The following LMNA variants were observed in gnomAD, a reference collection of about 807,000 sequenced individuals.
LMNA encodes lamin A/C.
LMNA carries 20 observed loss-of-function variants against 70.4 expected under a neutral mutation model. That is an observed-to-expected ratio of 0.28 (90% CI 0.20 to 0.41). The LOEUF (loss-of-function observed/expected upper bound fraction) is 0.41, where lower values mean the gene tolerates loss of function less well. Ranked by LOEUF, LMNA falls within the 10% of genes least tolerant of loss-of-function variation. The pLI, the probability that LMNA is intolerant of heterozygous loss-of-function variation, is 1.00. For synonymous variants in LMNA, 339 were observed against 372.8 expected (o/e 0.91, Z 1.04); for missense variants, 652 against 917.2 (o/e 0.71, Z 3.73).
intron 3 of LMNA, among the ~76,000 whole-genome samples, chr1:156,104,248 C>T (rs751820466): frequency 3.9e-5 from 6 of 152,202 alleles, no homozygotes; most frequent in Non-Finnish European, 8.8e-5. Context: ...AGCGGTGGCT[C>T]AGGCCTGTGT....
rs1421707664 is a variant in LMNA, at chr1:156,139,867, G to A, written c.*761G>A. 2 of 1,476,522 alleles carry A rather than the reference G, an allele frequency of 1.4e-6. No individual in the cohort carries two copies. Among genetic ancestry groups the A allele is most frequent in the Admixed American group, 4.5e-5 (2 of 44,870 alleles). 91.5% of individuals were successfully genotyped at this position (1,476,522 alleles called of 1,614,324 possible). ...TTAGACCCTGGGTGGGCTCTGTGCA[G>A]TCACTGGAGGTTGAAGCCAAGTGGG... On this transcript the variant is annotated 3_prime_UTR_variant, in exon 12 of 12. Coordinates refer to ENST00000368300, the MANE Select transcript of LMNA (RefSeq NM_170707.4).
intron 1 of LMNA, among the ~76,000 whole-genome samples, chr1:156,124,054 A>G (rs1650377774): frequency 6.6e-6 from 1 of 152,214 alleles, no homozygotes; most frequent in Non-Finnish European, 1.5e-5. Context: ...GAGAGGCCTC[A>G]GACCCTAGGC....
chr1:156,113,331 A>C (rs1467888067), upstream of LMNA, among the ~76,000 whole-genome samples: 1 of 149,484 alleles, frequency 6.7e-6, no homozygotes, highest in Non-Finnish European at 1.5e-5. Context: ...AACAAAAAAA[A>C]CAAACAAACA....
At position 156,104,635 on chromosome 1, in the gene LMNA, T is replaced by A. The variant is rs1287371338; in HGVS notation, c.-206-10078T>A. 2.6e-5 allele frequency among the ~76,000 whole-genome samples: 4 copies of A among 152,042 alleles called. No homozygotes were observed. The East Asian group carries it at 5.8e-4, about 22-fold the overall frequency. On this transcript the variant is annotated intron_variant, in intron 3 of 12. Transcript: ENST00000368301. ...CATTCACCAAGGGGCCTGAGTGAGG[T>A]CCCACCCCCTAAGCCACACAGGTCC...
At chr1:156,126,444 G>A (rs1476149847) in intron 1 of LMNA, 11 of 621,670 alleles carry the variant, frequency 1.8e-5, no homozygotes, top group Non-Finnish European at 3.2e-5. Flanking sequence ...GCCGGCCCTG[G>A]CTTCCATATC....
intron 3 of LMNA, among the ~76,000 whole-genome samples, chr1:156,107,261 C>T (rs1649381750): frequency 6.6e-6 from 1 of 152,204 alleles, no homozygotes; most frequent in Non-Finnish European, 1.5e-5. Flanking sequence ...GCCCCGCTGG[C>T]TCAGTGAGCC....
chr1:156,123,188 G>C (rs557877051), intron 1 of LMNA: 1 of 152,248 alleles, frequency 6.6e-6, no homozygotes. Context: ...AAGGGAGATA[G>C]GACACATGAG....
Position 156,115,058 on chromosome 1 carries a change from A to T in LMNA, c.140A>T (p.Asp47Val). 6.3e-7 allele frequency: 1 copy of T among 1,594,672 alleles called. No homozygotes were observed. The highest frequency in any genetic ancestry group is 8.5e-7 in the Non-Finnish European group (1 of 1,170,784). The change falls in exon 1 of 12, where the codon GAC becomes GTC. Residue 47 changes from aspartate to valine, a missense_variant. Transcript: ENST00000368300. This position sits in a 1 kb window ranked among gnomAD's most constrained non-coding sequence, Gnocchi z 5.8. ...AATGATCGCTTGGCGGTCTACATCG[A>T]CCGTGTGCGCTCGCTGGAAACGGAG... is the stretch of plus-strand genomic sequence containing the variant. ...ELNDRLAVYI[D>V]RVRSLETENA...
In LMNA at chr1:156,135,890, C is replaced by G. The variant is rs267607645; in HGVS notation, c.937-11C>G. ...CTTGGGAGCTCACCAAACCCTCCCA[C>G]CCCCCTTCAGCTGGCAGCCAAGGAG... On this transcript the variant is annotated splice_polypyrimidine_tract_variant and intron_variant, in intron 5 of 11. Transcript: ENST00000368300. This position sits in a 1 kb window ranked among gnomAD's most constrained non-coding sequence, Gnocchi z 4.8. 1 of 1,611,088 alleles carries G rather than the reference C, an allele frequency of 6.2e-7. No individual in the cohort carries two copies. The highest frequency in any genetic ancestry group is 8.5e-7 in the Non-Finnish European group (1 of 1,178,144).
Position 156,139,970 on chromosome 1 carries a change from G to A in LMNA, c.*864G>A. On this transcript the variant is annotated 3_prime_UTR_variant, in exon 12 of 12. Coordinates refer to ENST00000368300, the MANE Select transcript of LMNA (RefSeq NM_170707.4). ...CCCACCGTGGAGGAGGAAGGCAAGA[G>A]GGGGTGGAGGGGTGTGGCAGTGGTT... The A allele has an allele frequency of 1.3e-6, 1 of 794,030 alleles. No individual in the cohort carries two copies. The highest frequency in any genetic ancestry group is 1.9e-6 in the Non-Finnish European group (1 of 529,944). 49.2% of individuals were successfully genotyped at this position (794,030 alleles called of 1,614,324 possible). A position where few individuals can be genotyped will look rare whatever the true frequency, so the allele number is the denominator to read the frequency against.
chr1:156,098,817 G>A (rs924721875), intron 3 of LMNA, among the ~76,000 whole-genome samples: 3 of 152,138 alleles, frequency 2.0e-5, no homozygotes, highest in Admixed American at 6.5e-5. Context: ...AAGCCATGAT[G>A]CTCACCCCTC....
Position 156,135,111 on chromosome 1 carries a change from C to T in LMNA, c.811-76C>T, listed in dbSNP as rs1197237796. The stretch of plus-strand genomic sequence containing the variant: ...GGTGGCCCAGGACCTGGGGCTGTAG[C>T]AGTGATGCCCAACTCAGGCCTGTGC... On this transcript the variant is annotated intron_variant, in intron 4 of 11. Coordinates refer to ENST00000368300, the MANE Select transcript of LMNA (RefSeq NM_170707.4). The surrounding 1 kb of genome is among the most constrained non-coding windows in gnomAD (Gnocchi z 4.8). The T allele has an allele frequency of 1.9e-6, 3 of 1,610,960 alleles. No individual in the cohort carries two copies. The African/African-American group carries it at 4.0e-5, about 22-fold the overall frequency.
At chr1:156,095,038 C>T (rs1262232363) in intron 3 of LMNA, among the ~76,000 whole-genome samples, 1 of 151,856 alleles carries the variant, frequency 6.6e-6, no homozygotes, top group Non-Finnish European at 1.5e-5. Context: ...TCTCCTGCCT[C>T]AGCCTCCCAA....
intron 3 of LMNA, among the ~76,000 whole-genome samples, chr1:156,094,949 C>T (rs368585125): frequency 1.4e-5 from 2 of 138,236 alleles, no homozygotes; most frequent in Non-Finnish European, 3.1e-5. Context: ...TTTTTGAGAA[C>T]GGAGTCTTGC....
intron 3 of LMNA, among the ~76,000 whole-genome samples, chr1:156,108,759 C>T (rs73004969): frequency 0.012 from 1,753 of 150,346 alleles, 29 homozygotes; most frequent in African/African-American, 0.041. Flanking sequence ...GGCGAAACTC[C>T]ATCTCAAAAA....
Position 156,136,159 on chromosome 1 carries a change from C to CTA in LMNA, c.1157+38_1157+39insTA, listed in dbSNP as rs747327415. ...GACGTCGGGGAGGTGCTGGCAGTGTCCTCTGGCCGGCAACTGGCCTTGACT... is the reference window on the plus strand; with the variant it reads ...GACGTCGGGGAGGTGCTGGCAGTGTCTACTCTGGCCGGCAACTGGCCTTGACT... On this transcript the variant is annotated intron_variant, in intron 6 of 11. Transcript: ENST00000368300. The surrounding 1 kb of genome is among the most constrained non-coding windows in gnomAD (Gnocchi z 6.1). 2.5e-6 allele frequency: 4 copies of CTA among 1,613,032 alleles called. No individual in the cohort carries two copies. The East Asian group carries it at 6.7e-5, about 27-fold the overall frequency.
At chr1:156,122,969 C>T (rs1232512229) in intron 1 of LMNA, among the ~76,000 whole-genome samples, 1 of 152,206 alleles carries the variant, frequency 6.6e-6, no homozygotes, top group Non-Finnish European at 1.5e-5. Flanking sequence ...AAGCCGGAAT[C>T]CTGCCTGCTG....
intron 1 of LMNA, among the ~76,000 whole-genome samples, chr1:156,119,221 G>A (rs1333385139): frequency 6.6e-6 from 1 of 151,816 alleles, no homozygotes; most frequent in African/African-American, 2.4e-5. Flanking sequence ...AGGTTCAAGC[G>A]ATTCTCCTGC....
chr1:156,133,659 G>A (rs1333106310), intron 2 of LMNA, among the ~76,000 whole-genome samples: 1 of 152,036 alleles, frequency 6.6e-6, no homozygotes, highest in Admixed American at 6.6e-5. Flanking sequence ...GCAGATAAGG[G>A]CATCTCTTCA....
Sources: gnomAD v4.1 joint callset for allele counts (sites outside exome capture counted in the v4.1 genomes callset) on GRCh38, gnomAD v4.1.1 for gene constraint, Gnocchi (gnomAD v3.1) non-coding constraint, MANE v1.5 for transcripts, NCBI Gene and HGNC (gene_info 2026-07-23, HGNC 2026-07-21) for gene names.